ZBBX: variants seen among roughly 807,000 people sequenced by gnomAD.
ZBBX encodes zinc finger B-box domain-containing protein 1.
A neutral mutation model predicts 108.5 loss-of-function variants in ZBBX; 101 were observed. That is an observed-to-expected ratio of 0.93 (90% confidence interval 0.79 to 1.10). The LOEUF is 1.10. Ranked by LOEUF, ZBBX falls within the 50% of genes least tolerant of loss-of-function variation. The probability of loss-of-function intolerance (pLI) is 0.00; values close to 1 mark genes in which losing one functional copy is unlikely to be tolerated. For synonymous variants in ZBBX, 356 were observed against 323.4 expected (o/e 1.10, Z -1.08); for missense variants, 1,009 against 941.4 (o/e 1.07, Z -0.94).
chr3:167,395,833 A>G (rs374206086), intron 1 of ZBBX, among the ~76,000 whole-genome samples: 3 of 151,998 alleles, frequency 2.0e-5, no homozygotes, highest in South Asian at 2.1e-4. Context: ...TTAAGAGAGA[A>G]AGCCATGTAG....
At chr3:167,313,836 T>C in intron 16 of ZBBX, 138 bp downstream of exon 16, 3 of 753,774 alleles carry the variant, frequency 4.0e-6, no homozygotes, top group South Asian at 3.5e-5. Flanking sequence ...TAGAAAATTA[T>C]ATTTTCAACT....
chr3:167,267,084 G>A (rs929494114), intron 20 of ZBBX, among the ~76,000 whole-genome samples: 1 of 152,204 alleles, frequency 6.6e-6, no homozygotes. Flanking sequence ...TATTTCCTTG[G>A]AAGTTGAAAG....
chr3:167,204,963 G>C, the ZBBX span, among the ~76,000 whole-genome samples: 1 of 151,514 alleles, frequency 6.6e-6, no homozygotes, highest in Non-Finnish European at 1.5e-5. Flanking sequence ...AGATAAATTT[G>C]GTTCTTACTA....
intron 12 of ZBBX, among the ~76,000 whole-genome samples, chr3:167,318,264 C>T (rs553937248): frequency 2.0e-4 from 30 of 152,058 alleles, no homozygotes; most frequent in Middle Eastern, 3.4e-3. Flanking sequence ...CCATACCATG[C>T]AAGTTCATAA....
chr3:167,356,883 T>C (rs1743666502), intron 8 of ZBBX, among the ~76,000 whole-genome samples: 1 of 152,146 alleles, frequency 6.6e-6, no homozygotes, highest in Non-Finnish European at 1.5e-5. Context: ...GCTTTTACTA[T>C]TTTACAAAGG....
At chr3:167,356,644 T>A (rs1422112680) in intron 8 of ZBBX, among the ~76,000 whole-genome samples, 1 of 152,180 alleles carries the variant, frequency 6.6e-6, no homozygotes, top group East Asian at 1.9e-4. Flanking sequence ...ATGTCTATAT[T>A]ATGAAATAGT....
intron 20 of ZBBX, among the ~76,000 whole-genome samples, chr3:167,259,017 C>CTA (rs1335880452): frequency 6.6e-6 from 1 of 152,132 alleles, no homozygotes; most frequent in Non-Finnish European, 1.5e-5. Flanking sequence ...GCTTCTTTCT[C>CTA]TATCTTGTGG....
In ZBBX at chr3:167,359,880, G is replaced by A; in HGVS notation, c.422C>T (p.Ala141Val). ...GKVCGQCENK[A>V]ALLVCLECGE... Reference sequence around the variant, plus strand: ...ATATAACGTACATACCAGTAGAGCAGCTTTGTTCTCACACTGTCCACATAC... The same window carrying A: ...ATATAACGTACATACCAGTAGAGCAACTTTGTTCTCACACTGTCCACATAC... The change falls in exon 8 of 22, where the codon GCT becomes GTT. Residue 141 changes from alanine to valine, a missense_variant. Physicochemically the swap from Ala to Val is moderately conservative, Grantham distance 64. Coordinates refer to ENST00000675490, the MANE Select transcript of ZBBX (RefSeq NM_001199201.2). 6.6e-7 allele frequency: 1 copy of A among 1,516,408 alleles called. No individual in the cohort carries two copies. The highest frequency in any genetic ancestry group is 9.0e-7 in the Non-Finnish European group (1 of 1,113,676). The allele number at this position is 1,516,408 out of a possible 1,614,324, so 93.9% of individuals were successfully genotyped here. A position where few individuals can be genotyped will look rare whatever the true frequency, so the allele number is the denominator to read the frequency against.
intron 9 of ZBBX, among the ~76,000 whole-genome samples, chr3:167,334,941 C>T (rs1285038280): frequency 6.6e-6 from 1 of 152,048 alleles, no homozygotes; most frequent in Non-Finnish European, 1.5e-5. Flanking sequence ...GCTCATGAGG[C>T]TCACTTACTA....
At chr3:167,401,177 T>C (rs570542118) in intron 1 of ZBBX, among the ~76,000 whole-genome samples, 6 of 152,210 alleles carry the variant, frequency 3.9e-5, no homozygotes, top group Non-Finnish European at 7.3e-5. Flanking sequence ...TAAGATTGTA[T>C]ATCAGGGCCA....
chr3:167,319,971 C>G (rs531153911), intron 12 of ZBBX, among the ~76,000 whole-genome samples: 206 of 151,604 alleles, frequency 1.4e-3, no homozygotes, highest in African/African-American at 4.9e-3. Flanking sequence ...TGGATAGATA[C>G]AGAAAAAAAT....
intron 1 of ZBBX, among the ~76,000 whole-genome samples, chr3:167,400,977 G>C (rs1172290755): frequency 6.6e-6 from 1 of 152,102 alleles, no homozygotes; most frequent in Non-Finnish European, 1.5e-5. Context: ...TTCCCAGCTT[G>C]ACTTTTCCCT....
intron 20 of ZBBX, among the ~76,000 whole-genome samples, chr3:167,251,943 C>T (rs1722697938): frequency 6.6e-6 from 1 of 151,542 alleles, no homozygotes. Flanking sequence ...CACACACACA[C>T]ACACACACAC....
At chr3:167,277,901 C>T (rs200379596) in intron 20 of ZBBX, among the ~76,000 whole-genome samples, 110 of 141,276 alleles carry the variant, frequency 7.8e-4, no homozygotes, top group South Asian at 1.4e-3. Context: ...CAAACTATCT[C>T]TCAGACCACA....
At chr3:167,292,786 A>C (rs922516524) in intron 18 of ZBBX, among the ~76,000 whole-genome samples, 1 of 152,184 alleles carries the variant, frequency 6.6e-6, no homozygotes, top group African/African-American at 2.4e-5. Context: ...AAGACCAACA[A>C]AGTAGATAGA....
upstream of ZBBX, among the ~76,000 whole-genome samples, chr3:167,384,112 C>A (rs887660323): frequency 1.2e-4 from 18 of 152,102 alleles, no homozygotes; most frequent in African/African-American, 4.3e-4. Flanking sequence ...TAAAGCAGAT[C>A]TTTAAGCATC....
intron 19 of ZBBX, 52 bp from the exon 20 acceptor site, chr3:167,282,547 G>T: frequency 6.8e-7 from 1 of 1,466,802 alleles, no homozygotes; most frequent in Non-Finnish European, 9.3e-7. Context: ...ATTTGAATGA[G>T]TACTTAAAGA....
intron 13 of ZBBX, 76 bp from the exon 14 acceptor site, chr3:167,317,181 C>A: frequency 3.0e-6 from 3 of 1,014,972 alleles, no homozygotes; most frequent in Admixed American, 4.8e-5. Flanking sequence ...AAGATAGCCA[C>A]CAAAAAAGAA....
chr3:167,346,333 C>G (rs1376538652), intron 9 of ZBBX, among the ~76,000 whole-genome samples: 4 of 151,782 alleles, frequency 2.6e-5, no homozygotes, highest in Non-Finnish European at 4.4e-5. Context: ...AATCATAAAT[C>G]AAAGGAAAGG....
Sources: allele counts gnomAD v4.1 joint callset (sites outside exome capture counted in the v4.1 genomes callset), GRCh38; gene constraint gnomAD v4.1.1; transcripts MANE v1.5; gene names NCBI Gene and HGNC (gene_info 2026-07-23, HGNC 2026-07-21).